PIK3C2B: variants seen among roughly 807,000 people sequenced by gnomAD.
PIK3C2B encodes the protein phosphatidylinositol 4-phosphate 3-kinase C2 domain-containing subunit beta.
In PIK3C2B, 83 loss-of-function variants were observed where a neutral mutation model predicts 184.3. The ratio of observed to expected loss-of-function variants is 0.45; its 90% confidence interval spans 0.38 to 0.54. The LOEUF (loss-of-function observed/expected upper bound fraction) is 0.54, where lower values mean the gene tolerates loss of function less well. PIK3C2B is among the 20% of genes least tolerant of loss of function. The pLI, the probability that PIK3C2B is intolerant of heterozygous loss-of-function variation, is 0.00. For missense variants in PIK3C2B, 1,736 were observed against 2,113.5 expected, an observed-to-expected ratio of 0.82 and a Z score of 3.50; for synonymous variants, 779 against 837.6, an observed-to-expected ratio of 0.93 and a Z score of 1.21.
intron 6 of PIK3C2B, 67 bp downstream of exon 6, chr1:204,460,483 T>G: frequency 6.5e-7 from 1 of 1,533,928 alleles, no homozygotes. Context: ...CCACCTGATG[T>G]GTTCTATATT....
At chr1:204,458,434 A>T (rs1211642797) in intron 8 of PIK3C2B, among the ~76,000 whole-genome samples, 4 of 151,876 alleles carry the variant, frequency 2.6e-5, no homozygotes, top group Non-Finnish European at 4.4e-5. Context: ...GTCTACTAAT[A>T]GCTTTGTGTT....
At chr1:204,478,808 A>C (rs1656908491) in intron 1 of PIK3C2B, among the ~76,000 whole-genome samples, 1 of 152,218 alleles carries the variant, frequency 6.6e-6, no homozygotes, top group East Asian at 1.9e-4. Context: ...ACAAGAGTTT[A>C]GTGGAAGTCT....
rs528689004 is a variant in PIK3C2B at position 204,430,489 on chromosome 1, G to T, written c.4281-451C>A. Among the ~76,000 whole-genome samples, 345 of 142,738 alleles carry T rather than the reference G, an allele frequency of 2.4e-3. 4 individuals carry two copies. The highest frequency in any genetic ancestry group is 8.7e-3 in the African/African-American group (334 of 38,384). The allele number at this position is 142,738 out of a possible 152,430, so 93.6% of individuals were successfully genotyped here. ...GCCTCCCCAGTAGCTGGGATTACAG[G>T]CACACACCACCGCACCCAGCTAATT... is the stretch of plus-strand genomic sequence containing the variant. On this transcript the variant is annotated intron_variant, in intron 28 of 32. Coordinates refer to ENST00000684373, the MANE Select transcript of PIK3C2B (RefSeq NM_001377334.1).
chr1:204,469,435 AG>A lies in PIK3C2B; in HGVS notation c.367del (p.Leu123CysfsTer25). The A allele has an allele frequency of 6.4e-7, 1 of 1,570,474 alleles. No individual in the cohort carries two copies. The highest frequency in any genetic ancestry group is 8.6e-7 in the Non-Finnish European group (1 of 1,163,020). ...PGSDPWPKGSLSGDYLYIFDG... is the reference protein window; with the variant it reads ...PGSDPWPKGSXSGDYLYIFDG... ...AAAAATGTAGAGATAGTCTCCAGAC[AG>A]GGAGCCTTTGGGCCAGGGATCTGAG... On this transcript the variant is annotated frameshift_variant, in exon 2 of 33. Coordinates refer to ENST00000684373, the MANE Select transcript of PIK3C2B (RefSeq NM_001377334.1). LOFTEE classifies it high-confidence loss of function.
chr1:204,428,015 A>G, intron 30 of PIK3C2B, 124 bp downstream of exon 30: 1 of 661,184 alleles, frequency 1.5e-6, no homozygotes, highest in Non-Finnish European at 2.7e-6. Flanking sequence ...GATTTCCCAG[A>G]GAGTAAGAAA....
chr1:204,476,687 A>G (rs1656739401), intron 1 of PIK3C2B, among the ~76,000 whole-genome samples: 1 of 152,122 alleles, frequency 6.6e-6, no homozygotes, highest in African/African-American at 2.4e-5. Context: ...CGTCTCTGCT[A>G]CTCTGCAGCC....
At chr1:204,465,892 G>A (rs981495798) in intron 2 of PIK3C2B, among the ~76,000 whole-genome samples, 2 of 152,360 alleles carry the variant, frequency 1.3e-5, no homozygotes, top group East Asian at 1.9e-4. Flanking sequence ...GAGGAAGAAA[G>A]CGTCAAAGCA....
intron 18 of PIK3C2B, 111 bp from the exon 19 acceptor site, chr1:204,443,708 C>T (rs546480617): frequency 1.1e-6 from 1 of 921,400 alleles, no homozygotes; most frequent in African/African-American, 1.6e-5. Context: ...CCACCCCGAA[C>T]TTGGGAGGGA....
intron 1 of PIK3C2B, chr1:204,489,814 A>T: frequency 2.5e-6 from 1 of 397,922 alleles, no homozygotes; most frequent in Non-Finnish European, 4.4e-6. Flanking sequence ...AAGAACTCAT[A>T]CCTGATTCTT....
chr1:204,477,687 G>A (rs1326790288), intron 1 of PIK3C2B, among the ~76,000 whole-genome samples: 1 of 152,216 alleles, frequency 6.6e-6, no homozygotes, highest in Non-Finnish European at 1.5e-5. Context: ...TGTCTTGCTG[G>A]AAGGCACCCT....
intron 13 of PIK3C2B, 150 bp from the exon 14 acceptor site, chr1:204,449,446 C>T: frequency 1.5e-6 from 1 of 651,660 alleles, no homozygotes; most frequent in South Asian, 1.9e-5. Flanking sequence ...CCTCTTCCTT[C>T]TCCCAAGTCC....
chr1:204,477,828 T>C (rs1272131692), intron 1 of PIK3C2B, among the ~76,000 whole-genome samples: 2 of 152,216 alleles, frequency 1.3e-5, no homozygotes, highest in Non-Finnish European at 2.9e-5. Context: ...GGCACATACA[T>C]ATCTAAAGAC....
At chr1:204,473,190 T>A (rs1656434738) in intron 1 of PIK3C2B, among the ~76,000 whole-genome samples, 1 of 152,190 alleles carries the variant, frequency 6.6e-6, no homozygotes, top group Non-Finnish European at 1.5e-5. Context: ...TACCCTGGGG[T>A]GCCCTCCCAG....
intron 2 of PIK3C2B, among the ~76,000 whole-genome samples, chr1:204,467,504 A>C (rs1176299915): frequency 2.0e-5 from 3 of 152,128 alleles, no homozygotes; most frequent in African/African-American, 7.2e-5. Flanking sequence ...TAAGGAGGAA[A>C]CCAGGACAGA....
At chr1:204,453,717 C>T (rs1045930091) in intron 12 of PIK3C2B, among the ~76,000 whole-genome samples, 16 of 152,040 alleles carry the variant, frequency 1.1e-4, no homozygotes, top group Non-Finnish European at 1.8e-4. Flanking sequence ...ACTAGTTAAA[C>T]TCTTTAAGGG....
intron 1 of PIK3C2B, among the ~76,000 whole-genome samples, chr1:204,472,948 C>T (rs952694032): frequency 6.6e-6 from 1 of 152,082 alleles, no homozygotes; most frequent in Admixed American, 6.6e-5. Flanking sequence ...TGGGGGAGAC[C>T]AGTGTGAAGT....
Position 204,451,299 on chromosome 1 carries a change from CAAGG to C in PIK3C2B, c.2067-1286_2067-1283del, listed in dbSNP as rs558508235. Among the ~76,000 whole-genome samples, 48 of 152,342 alleles carry C rather than the reference CAAGG, an allele frequency of 3.2e-4. 1 individual carries two copies. The South Asian group carries it at 9.7e-3, about 31-fold the overall frequency. On this transcript the variant is annotated intron_variant, in intron 12 of 32. Transcript: ENST00000684373. ...TGGTCCTGAGCCCTTTCTTTTCACC[CAAGG>C]AAGAAGCTTCCAGCTTCGTGTCTTA...
At chr1:204,457,013 G>A (rs1163060867) in intron 10 of PIK3C2B, 24 bp downstream of exon 10, 1 of 1,560,322 alleles carries the variant, frequency 6.4e-7, no homozygotes, top group Non-Finnish European at 8.7e-7. Context: ...CCGACTGGAT[G>A]AAGATGGAGA....
rs148904175 is a variant in PIK3C2B at position 204,432,210 on chromosome 1, T to C, written c.4145A>G (p.Asn1382Ser). 1.2e-6 allele frequency: 2 copies of C among 1,613,434 alleles called. No individual in the cohort carries two copies. Among genetic ancestry groups the C allele is most frequent in the Non-Finnish European group, 1.7e-6 (2 of 1,179,562 alleles). ...LCRHEKIFHP[N>S]KGYIYVVKVM... ...GGAGAAAACACTTACATAGCCTTTG[T>C]TGGGGTGGAAGATCTTCTCATGGCG... The change falls in exon 27 of 33, where the codon AAC becomes AGC. Residue 1382 changes from asparagine (N) to serine (S), a missense_variant. Around this residue, in one of 8 missense-constraint regions of PIK3C2B, gnomAD observed 200 missense variants for 199.1 expected, o/e 1.00. Coordinates refer to ENST00000684373, the MANE Select transcript of PIK3C2B (RefSeq NM_001377334.1).
Sources: gnomAD v4.1 joint callset for allele counts (sites outside exome capture counted in the v4.1 genomes callset) on GRCh38, gnomAD v4.1.1 for gene constraint, gnomAD v4.1.1 regional missense constraint, MANE v1.5 for transcripts, NCBI Gene and HGNC (gene_info 2026-07-23, HGNC 2026-07-21) for gene names.